Variants in MEI4 observed in about 807,000 individuals in gnomAD.
The protein encoded by MEI4 is meiosis-specific protein MEI4.
MEI4 carries 27 observed loss-of-function variants against 31.4 expected under a neutral mutation model. The ratio of observed to expected loss-of-function variants is 0.86; its 90% CI spans 0.63 to 1.19. The LOEUF is 1.19. MEI4 is among the 50% of genes most tolerant of loss of function. The pLI is 0.00. For missense variants in MEI4, 329 were observed against 398.9 expected, an observed-to-expected ratio of 0.82 and a Z score of 1.49; for synonymous variants, 122 against 145.4, an observed-to-expected ratio of 0.84 and a Z score of 1.16.
chr6:77,688,825 T>G (rs904131078), intron 1 of MEI4, among the ~76,000 whole-genome samples: 1 of 152,116 alleles, frequency 6.6e-6, no homozygotes, highest in Non-Finnish European at 1.5e-5. Context: ...ATGTCTGTCC[T>G]GTGCACATAG....
At chr6:77,695,272 A>G (rs1019644571) in intron 2 of MEI4, among the ~76,000 whole-genome samples, 29 of 152,070 alleles carry the variant, frequency 1.9e-4, no homozygotes, top group Non-Finnish European at 3.5e-4. Context: ...GTTGAATTAG[A>G]TCCCATTTGT....
At position 77,825,598 on chromosome 6, in the gene MEI4, A is replaced by T. The variant is rs113055755; in HGVS notation, c.769-3333A>T. ...ATTCTTCTGGATATTAATTATCTTTAGCTTAAATCGGGATAAGTGCTTAGC... is the reference window on the plus strand; with the variant it reads ...ATTCTTCTGGATATTAATTATCTTTTGCTTAAATCGGGATAAGTGCTTAGC... On this transcript the variant is annotated intron_variant, in intron 3 of 4. Coordinates refer to ENST00000684080, the MANE Select transcript of MEI4 (RefSeq NM_001322247.2). 1.3e-3 allele frequency among the ~76,000 whole-genome samples: 194 copies of T among 152,280 alleles called. 1 individual carries two copies. Among genetic ancestry groups the T allele is most frequent in the Non-Finnish European group, 2.2e-3 (152 of 68,010 alleles).
At chr6:77,917,018 G>T (rs1365865399) in intron 4 of MEI4, among the ~76,000 whole-genome samples, 1 of 150,976 alleles carries the variant, frequency 6.6e-6, no homozygotes, top group Admixed American at 6.6e-5. Flanking sequence ...AGAATATGCG[G>T]TGTTTGGTTT....
At chr6:77,665,179 G>A (rs535459691) in intron 1 of MEI4, among the ~76,000 whole-genome samples, 4 of 151,978 alleles carry the variant, frequency 2.6e-5, no homozygotes, top group South Asian at 2.1e-4. Flanking sequence ...GTCGAGGCAC[G>A]GAAAGGGGTC....
chr6:77,655,126 A>G (rs1581992441), intron 1 of MEI4, among the ~76,000 whole-genome samples: 1 of 151,434 alleles, frequency 6.6e-6, no homozygotes, highest in African/African-American at 2.4e-5. Flanking sequence ...TCATTGTTCA[A>G]CTCCCACTTA....
intron 4 of MEI4, among the ~76,000 whole-genome samples, chr6:77,877,318 A>T (rs1771365952): frequency 6.6e-6 from 1 of 151,852 alleles, no homozygotes; most frequent in Non-Finnish European, 1.5e-5. Flanking sequence ...GATTGTTTAT[A>T]TTTTTTCTAA....
chr6:77,912,398 GTAGAT>G (rs1766453415), intron 4 of MEI4, among the ~76,000 whole-genome samples: 1 of 151,974 alleles, frequency 6.6e-6, no homozygotes, highest in Non-Finnish European at 1.5e-5. Context: ...TATTGAATCT[GTAGAT>G]TAGAGTAATA....
intron 3 of MEI4, among the ~76,000 whole-genome samples, chr6:77,781,915 A>C (rs1197377936): frequency 1.3e-5 from 2 of 152,130 alleles, no homozygotes; most frequent in Non-Finnish European, 2.9e-5. Flanking sequence ...CTATAAATAA[A>C]TCTTTGATGA....
intron 1 of MEI4, among the ~76,000 whole-genome samples, chr6:77,678,677 CTA>C (rs923586442): frequency 2.6e-5 from 4 of 151,608 alleles, no homozygotes; most frequent in Admixed American, 2.6e-4. Flanking sequence ...TATGTATTTA[CTA>C]TATGTTTTAT....
intron 4 of MEI4, among the ~76,000 whole-genome samples, chr6:77,881,006 T>C (rs1771476615): frequency 6.6e-6 from 1 of 152,126 alleles, no homozygotes; most frequent in African/African-American, 2.4e-5. Context: ...TACATATCTT[T>C]ATTGATGTCA....
In MEI4 at chr6:77,925,874, TAATA is replaced by T. The variant is rs543462742; in HGVS notation, c.*2533_*2536del. 203 of 150,314 alleles carry T rather than the reference TAATA, an allele frequency of 1.4e-3. 1 individual carries two copies. Among genetic ancestry groups the T allele is most frequent in the African/African-American group, 4.3e-3 (178 of 41,204 alleles). 9.3% of individuals were successfully genotyped at this position (150,314 alleles called of 1,614,324 possible). ...ATTATACATATATATACGATATGTA[TAATA>T]AATACCAAATAGCCAGGTACTTACC... On this transcript the variant is annotated 3_prime_UTR_variant, in exon 5 of 5. Coordinates refer to ENST00000684080, the MANE Select transcript of MEI4 (RefSeq NM_001322247.2).
At chr6:77,789,129 A>C (rs1768839762) in intron 3 of MEI4, among the ~76,000 whole-genome samples, 1 of 152,354 alleles carries the variant, frequency 6.6e-6, no homozygotes, top group South Asian at 2.1e-4. Flanking sequence ...ACCTTTGACA[A>C]ACCTGACAAA....
In MEI4 at chr6:77,742,711, A is replaced by G. The variant is rs529661128; in HGVS notation, c.233-18419A>G. 1.9e-3 allele frequency among the ~76,000 whole-genome samples: 293 copies of G among 152,254 alleles called. 1 individual carries two copies. The highest frequency in any genetic ancestry group is 3.0e-3 in the Non-Finnish European group (207 of 68,032). ...GTCCTTGCCCATGCCTGTGTCCTGA[A>G]TGGTAATGCCTAGGTTTTCTTCTAG... is the stretch of plus-strand genomic sequence containing the variant. On this transcript the variant is annotated intron_variant, in intron 2 of 4. Coordinates refer to ENST00000684080, the MANE Select transcript of MEI4 (RefSeq NM_001322247.2).
At chr6:77,658,621 T>A (rs973511299) in intron 1 of MEI4, among the ~76,000 whole-genome samples, 2 of 152,172 alleles carry the variant, frequency 1.3e-5, no homozygotes, top group African/African-American at 4.8e-5. Flanking sequence ...TGGGAGAGAT[T>A]AAGCTGAAGG....
At chr6:77,685,161 T>A (rs1252652636) in intron 1 of MEI4, among the ~76,000 whole-genome samples, 1 of 152,188 alleles carries the variant, frequency 6.6e-6, no homozygotes. Flanking sequence ...TTTTGAGAAA[T>A]GTCTATTCAA....
intron 4 of MEI4, among the ~76,000 whole-genome samples, chr6:77,862,812 G>A (rs1770901021): frequency 6.6e-6 from 1 of 152,192 alleles, no homozygotes; most frequent in African/African-American, 2.4e-5. Context: ...TAGCCTAACT[G>A]GGAGGCATCC....
intron 4 of MEI4, among the ~76,000 whole-genome samples, chr6:77,893,740 C>G (rs79754375): frequency 1.3e-5 from 2 of 152,142 alleles, no homozygotes; most frequent in African/African-American, 4.8e-5. Context: ...CTCTTGCCAG[C>G]CACTAATGCA....
intron 4 of MEI4, among the ~76,000 whole-genome samples, chr6:77,853,079 T>G (rs1770667103): frequency 6.6e-6 from 1 of 152,050 alleles, no homozygotes; most frequent in Non-Finnish European, 1.5e-5. Context: ...ATGCCTGTAA[T>G]CCCACCTACT....
chr6:77,911,740 A>T (rs1766439919), intron 4 of MEI4, among the ~76,000 whole-genome samples: 1 of 148,204 alleles, frequency 6.7e-6, no homozygotes, highest in Non-Finnish European at 1.5e-5. Context: ...TATAATATAT[A>T]TATATATAAA....
Sources: gnomAD v4.1 joint callset for allele counts (sites outside exome capture counted in the v4.1 genomes callset) on GRCh38, gnomAD v4.1.1 for gene constraint, MANE v1.5 for transcripts, NCBI Gene and HGNC (gene_info 2026-07-23, HGNC 2026-07-21) for gene names.